CNIH3: variants seen among roughly 807,000 people sequenced by gnomAD.
CNIH3 encodes the protein protein cornichon homolog 3.
CNIH3 carries 14 observed loss-of-function variants against 24.1 expected under a neutral mutation model. The ratio of observed to expected loss-of-function variants is 0.58; its 90% CI spans 0.38 to 0.91. The LOEUF is 0.91. Among genes scored for constraint, CNIH3 ranks in the 40% least tolerant of loss-of-function variants. CNIH3 has a pLI of 0.00. For missense variants in CNIH3, 178 were observed against 196.8 expected, an observed-to-expected ratio of 0.90 and a Z score of 0.57; for synonymous variants, 68 against 73.8, an observed-to-expected ratio of 0.92 and a Z score of 0.40.
chr1:224,456,709 C>T (rs1156482499), intron 1 of CNIH3, among the ~76,000 whole-genome samples: 2 of 152,218 alleles, frequency 1.3e-5, no homozygotes, highest in Non-Finnish European at 2.9e-5. Flanking sequence ...CTGTGCCCGG[C>T]CAAAGATTCC....
intron 3 of CNIH3, among the ~76,000 whole-genome samples, chr1:224,722,238 C>T (rs757284043): frequency 5.9e-5 from 9 of 152,198 alleles, no homozygotes; most frequent in Non-Finnish European, 7.4e-5. Context: ...GACCCTTGTA[C>T]GCTTTTCATA....
chr1:224,482,824 T>C (rs891466736), intron 1 of CNIH3, among the ~76,000 whole-genome samples: 6 of 152,114 alleles, frequency 3.9e-5, no homozygotes, highest in Non-Finnish European at 7.4e-5. Flanking sequence ...ATCTAGGAGT[T>C]GTACTCTTTA....
At chr1:224,457,271 C>G (rs201106271) in intron 1 of CNIH3, among the ~76,000 whole-genome samples, 71 of 82,256 alleles carry the variant, frequency 8.6e-4, no homozygotes, top group South Asian at 2.6e-3. Context: ...CCTCCTCTCT[C>G]TCTCTGTGTG....
intron 2 of CNIH3, among the ~76,000 whole-genome samples, chr1:224,545,198 T>C (rs712088): frequency 0.098 from 14,964 of 152,262 alleles, 2,306 homozygotes; most frequent in African/African-American, 0.33. Context: ...AGGCAATGAC[T>C]GTGTAGCTTT....
At chr1:224,554,757 T>C (rs748637363) in intron 3 of CNIH3, among the ~76,000 whole-genome samples, 2 of 151,954 alleles carry the variant, frequency 1.3e-5, no homozygotes, top group Non-Finnish European at 2.9e-5. Flanking sequence ...ATAATAATCA[T>C]TATTGTTTTT....
At chr1:224,450,166 C>A (rs1454507859) in intron 1 of CNIH3, among the ~76,000 whole-genome samples, 4 of 152,282 alleles carry the variant, frequency 2.6e-5, no homozygotes, top group Admixed American at 6.5e-5. Flanking sequence ...GAACAAGACA[C>A]AAAATCTTTA....
At chr1:224,618,802 T>A (rs565569144) in intron 1 of CNIH3, among the ~76,000 whole-genome samples, 9 of 152,340 alleles carry the variant, frequency 5.9e-5, no homozygotes, top group African/African-American at 2.2e-4. Flanking sequence ...TTAGAAGTAA[T>A]GGGATTTTAA....
At chr1:224,520,692 G>A (rs1678588474) in intron 1 of CNIH3, among the ~76,000 whole-genome samples, 1 of 152,194 alleles carries the variant, frequency 6.6e-6, no homozygotes, top group Non-Finnish European at 1.5e-5. Flanking sequence ...CCGAATTTGT[G>A]TACTGTGAGA....
rs978952986 is a variant in CNIH3 at position 224,452,510 on chromosome 1, G to C, written n.203+17648G>C. Among the ~76,000 whole-genome samples the C allele has an allele frequency of 2.0e-5, 3 of 151,872 alleles. No homozygotes were observed. The East Asian group carries it at 5.9e-4, about 30-fold the overall frequency. ...AAAAAGTAAAGTGTTGGCCGGGCACGGTGGCTCACACCTGTAATCCCAGCA... is the reference window on the plus strand; with the variant it reads ...AAAAAGTAAAGTGTTGGCCGGGCACCGTGGCTCACACCTGTAATCCCAGCA... On this transcript the variant is annotated intron_variant and non_coding_transcript_variant, in intron 1 of 5. Transcript: ENST00000471578.
chr1:224,683,881 T>C (rs544663104), intron 2 of CNIH3, among the ~76,000 whole-genome samples: 16 of 152,366 alleles, frequency 1.1e-4, no homozygotes, highest in South Asian at 8.3e-4. Context: ...AGTGTGTCTT[T>C]CCAGCCATGT....
intron 1 of CNIH3, among the ~76,000 whole-genome samples, chr1:224,488,422 C>T (rs965049733): frequency 7.7e-5 from 9 of 116,362 alleles, no homozygotes; most frequent in Non-Finnish European, 1.1e-4. Flanking sequence ...ACGCTTTCTT[C>T]TATATCTTTA....
At chr1:224,446,845 C>G (rs1675185968) in intron 1 of CNIH3, among the ~76,000 whole-genome samples, 1 of 152,012 alleles carries the variant, frequency 6.6e-6, no homozygotes, top group Non-Finnish European at 1.5e-5. Context: ...AGAACTCATC[C>G]TAAGGGAGCT....
chr1:224,456,773 A>C (rs116355669), intron 1 of CNIH3, among the ~76,000 whole-genome samples: 54 of 152,146 alleles, frequency 3.5e-4, no homozygotes, highest in African/African-American at 9.4e-4. Context: ...ACATTAGCTC[A>C]CTCTGCAGCC....
chr1:224,471,749 C>T (rs1332794009), intron 1 of CNIH3, among the ~76,000 whole-genome samples: 1 of 152,040 alleles, frequency 6.6e-6, no homozygotes, highest in East Asian at 1.9e-4. Flanking sequence ...GCCACCATGC[C>T]TGGCTAATTT....
chr1:224,666,929 C>T (rs1213679051), intron 1 of CNIH3, among the ~76,000 whole-genome samples: 1 of 152,194 alleles, frequency 6.6e-6, no homozygotes. Flanking sequence ...TGGTCTCTCC[C>T]TCCTGGGCAG....
chr1:224,658,385 G>T (rs1685195340), intron 1 of CNIH3, among the ~76,000 whole-genome samples: 1 of 151,894 alleles, frequency 6.6e-6, no homozygotes, highest in South Asian at 2.1e-4. Context: ...TGCTCAGCTG[G>T]TCTTGAACTG....
chr1:224,490,750 C>A (rs1677208649), intron 1 of CNIH3, among the ~76,000 whole-genome samples: 1 of 152,130 alleles, frequency 6.6e-6, no homozygotes, highest in Admixed American at 6.6e-5. Flanking sequence ...AGAGAAACTT[C>A]AGCGGAATTA....
At chr1:224,667,857 T>C (rs1685670557) in intron 1 of CNIH3, among the ~76,000 whole-genome samples, 1 of 152,100 alleles carries the variant, frequency 6.6e-6, no homozygotes, top group Non-Finnish European at 1.5e-5. Context: ...TTTTGTGGCA[T>C]TATTTGAGGT....
At chr1:224,441,939 C>T (rs942427070) in intron 1 of CNIH3, among the ~76,000 whole-genome samples, 1 of 151,408 alleles carries the variant, frequency 6.6e-6, no homozygotes, top group African/African-American at 2.4e-5. Context: ...TAACTCTTAG[C>T]TTCTTGTGGC....
Sources: allele counts gnomAD v4.1 joint callset (sites outside exome capture counted in the v4.1 genomes callset), GRCh38; gene constraint gnomAD v4.1.1; transcripts MANE v1.5; gene names NCBI Gene and HGNC (gene_info 2026-07-23, HGNC 2026-07-21).